Variants in ITIH2 observed in about 807,000 individuals in gnomAD.
ITIH2 encodes the protein inter-alpha-trypsin inhibitor heavy chain 2.
A neutral mutation model predicts 104.4 loss-of-function variants in ITIH2; 103 were observed. That is an observed-to-expected ratio of 0.99 (90% CI 0.84 to 1.16). ITIH2 has a LOEUF of 1.16. ITIH2 is among the 50% of genes most tolerant of loss of function. ITIH2 has a pLI of 0.00. For missense variants in ITIH2, 1,108 were observed against 1,162.4 expected (o/e 0.95, Z 0.68); for synonymous variants, 436 against 435.4 (o/e 1.00, Z -0.02).
intron 5 of ITIH2, among the ~76,000 whole-genome samples, chr10:7,714,277 T>G (rs1588451366): frequency 6.7e-6 from 1 of 148,616 alleles, no homozygotes; most frequent in East Asian, 2.0e-4. Context: ...GTTCACGCCA[T>G]TCTCCTGCCT....
intron 1 of ITIH2, among the ~76,000 whole-genome samples, chr10:7,704,062 A>T (rs1834722679): frequency 6.6e-6 from 1 of 152,244 alleles, no homozygotes; most frequent in African/African-American, 2.4e-5. Flanking sequence ...AGGGTGGAAA[A>T]GTACAAGAAT....
chr10:7,713,802 G>A (rs1486969634), intron 5 of ITIH2, among the ~76,000 whole-genome samples: 2 of 151,972 alleles, frequency 1.3e-5, no homozygotes, highest in Admixed American at 6.5e-5. Flanking sequence ...CGAACTCCTG[G>A]CCCCAAGCGG....
chr10:7,703,476 TGAA>T lies in ITIH2; in HGVS notation c.44_46del (p.Glu15del). On this transcript the variant is annotated inframe_deletion, in exon 1 of 21. Transcript: ENST00000358415. ...GCTTTTTCATCTGCTTCTTTCTTTCTGAAGTATCAGGCTTCGAAATCCCCATAA... is the reference window on the plus strand; with the variant it reads ...GCTTTTTCATCTGCTTCTTTCTTTCTGTATCAGGCTTCGAAATCCCCATAA... 6.2e-7 allele frequency: 1 copy of T among 1,614,026 alleles called. No homozygotes were observed. Among genetic ancestry groups the T allele is most frequent in the South Asian group, 1.1e-5 (1 of 91,074 alleles).
chr10:7,714,510 C>A (rs944992781), intron 5 of ITIH2, among the ~76,000 whole-genome samples: 2 of 152,028 alleles, frequency 1.3e-5, no homozygotes, highest in African/African-American at 2.4e-5. Context: ...GTGTTTCTTT[C>A]CTCCTCTCCT....
chr10:7,744,748 T>G (rs757205450), intron 18 of ITIH2, 43 bp from the exon 19 acceptor site: 2 of 1,550,208 alleles, frequency 1.3e-6, no homozygotes, highest in Non-Finnish European at 1.8e-6. Flanking sequence ...TCTCAAAAGG[T>G]CTGTTCTGGA....
intron 17 of ITIH2, among the ~76,000 whole-genome samples, 172 bp from the exon 18 acceptor site, chr10:7,743,910 T>C (rs1588462125): frequency 2.0e-5 from 3 of 152,172 alleles, no homozygotes; most frequent in Admixed American, 2.0e-4. Flanking sequence ...AAATGTTATA[T>C]TAACATGTTA....
intron 20 of ITIH2, 100 bp downstream of exon 20, chr10:7,746,804 C>A (rs1051903507): frequency 4.2e-6 from 3 of 713,248 alleles, no homozygotes; most frequent in African/African-American, 3.5e-5. Flanking sequence ...GTAGGCACTA[C>A]CTACATCACA....
At position 7,705,097 on chromosome 10, in the gene ITIH2, T is replaced by C. The variant is rs752670940; in HGVS notation, c.85-11T>C. The C allele has an allele frequency of 2.6e-6, 4 of 1,554,250 alleles. No individual in the cohort carries two copies. The highest frequency in any genetic ancestry group is 3.5e-6 in the Non-Finnish European group (4 of 1,143,998). ...AAAAAAAAAAAAGTTAAAATCCTAA[T>C]TTTTTTTAAGTTTGTAGACTATGAA... On this transcript the variant is annotated splice_polypyrimidine_tract_variant and intron_variant, in intron 1 of 20. Transcript: ENST00000358415.
chr10:7,714,966 G>A (rs1208967681), intron 5 of ITIH2, among the ~76,000 whole-genome samples: 4 of 152,148 alleles, frequency 2.6e-5, no homozygotes, highest in South Asian at 4.1e-4. Flanking sequence ...CTTGGGCATC[G>A]CCGGATTTTG....
intron 18 of ITIH2, 136 bp from the exon 19 acceptor site, chr10:7,744,655 T>C: frequency 1.4e-6 from 1 of 708,214 alleles, no homozygotes; most frequent in Non-Finnish European, 2.3e-6. Flanking sequence ...CATTTATCTA[T>C]AAACTGTTGC....
intron 5 of ITIH2, among the ~76,000 whole-genome samples, chr10:7,714,675 G>A (rs766011078): frequency 6.6e-6 from 1 of 152,190 alleles, no homozygotes; most frequent in Admixed American, 6.5e-5. Flanking sequence ...GCCTCATGCA[G>A]GAGACAGACA....
chr10:7,713,286 G>A lies in ITIH2; in HGVS notation c.467+1G>A. 1.2e-6 allele frequency: 2 copies of A among 1,611,542 alleles called. No individual in the cohort carries two copies. Among genetic ancestry groups the A allele is most frequent in the African/African-American group, 1.3e-5 (1 of 75,006 alleles). ...AAGGCAAGACGGCTGGCTTGGTGAG[G>A]TAAGGCCTGAGTGAGCAAGGCTTGC... On this transcript the variant is annotated splice_donor_variant, in intron 5 of 20. Coordinates refer to ENST00000358415, the MANE Select transcript of ITIH2 (RefSeq NM_002216.3). LOFTEE classifies it high-confidence loss of function.
chr10:7,720,437 CAG>C (rs1355503068), intron 6 of ITIH2, among the ~76,000 whole-genome samples: 2 of 152,034 alleles, frequency 1.3e-5, no homozygotes, highest in Non-Finnish European at 2.9e-5. Flanking sequence ...AGCAAGAAGA[CAG>C]AGAAGAAATA....
chr10:7,737,453 T>C (rs146668161), intron 15 of ITIH2, among the ~76,000 whole-genome samples: 5,710 of 137,880 alleles, frequency 0.041, 166 homozygotes, highest in Non-Finnish European at 0.058. Flanking sequence ...ATATAACAGA[T>C]AACGTATAAT....
chr10:7,720,809 C>A, intron 6 of ITIH2, 47 bp from the exon 7 acceptor site: 1 of 1,199,604 alleles, frequency 8.3e-7, no homozygotes, highest in Non-Finnish European at 1.2e-6. Flanking sequence ...CTTAAAAAGA[C>A]TTTAAAGACT....
intron 16 of ITIH2, among the ~76,000 whole-genome samples, chr10:7,739,371 T>G (rs191077544): frequency 2.6e-5 from 4 of 152,232 alleles, no homozygotes; most frequent in African/African-American, 9.6e-5. Context: ...ACAGAGCACA[T>G]CCCTCTCCCT....
chr10:7,727,246 T>C (rs1371828444), intron 10 of ITIH2, 128 bp downstream of exon 10: 4 of 726,636 alleles, frequency 5.5e-6, no homozygotes, highest in Non-Finnish European at 8.9e-6. Flanking sequence ...AAATAATACA[T>C]TTATTGGTAA....
chr10:7,733,257 T>C (rs1392798576), intron 14 of ITIH2, among the ~76,000 whole-genome samples: 4 of 152,152 alleles, frequency 2.6e-5, no homozygotes, highest in African/African-American at 9.7e-5. Context: ...CTCAATATGA[T>C]GTTGGTGAGA....
chr10:7,717,310 A>T (rs7089629), intron 5 of ITIH2, among the ~76,000 whole-genome samples: 117,623 of 152,130 alleles, frequency 0.77, 45,584 homozygotes, highest in Admixed American at 0.84. Context: ...ATTGCAGAGC[A>T]GCTATATCAG....
Sources: allele counts gnomAD v4.1 joint callset (sites outside exome capture counted in the v4.1 genomes callset), GRCh38; gene constraint gnomAD v4.1.1; transcripts MANE v1.5; gene names NCBI Gene and HGNC (gene_info 2026-07-23, HGNC 2026-07-21).